The following ITIH5 variants were observed in gnomAD, a reference collection of about 807,000 sequenced individuals.
The protein encoded by ITIH5 is inter-alpha-trypsin inhibitor heavy chain 5.
In ITIH5, 65 loss-of-function variants were observed where a neutral mutation model predicts 77.5. The ratio of observed to expected loss-of-function variants is 0.84; its 90% CI spans 0.69 to 1.03. The LOEUF is 1.03. Among genes scored for constraint, ITIH5 ranks in the 50% least tolerant of loss-of-function variants. The pLI, the probability that ITIH5 is intolerant of heterozygous loss-of-function variation, is 0.00. For synonymous variants in ITIH5, 525 were observed against 494.3 expected (o/e 1.06, Z -0.82); for missense variants, 1,208 against 1,213.1 (o/e 1.00, Z 0.06).
In ITIH5 at chr10:7,579,737, C is replaced by A. The variant is rs747943369; in HGVS notation, c.1418+18G>T. On this transcript the variant is annotated intron_variant, in intron 9 of 13. Coordinates refer to ENST00000397146, the MANE Select transcript of ITIH5 (RefSeq NM_030569.7). Reference sequence around the variant, plus strand: ...CCCCTCAAACAGCCTCTCATGCCTACGAAGACAGACCACAGACCCGATGAG... The same window carrying A: ...CCCCTCAAACAGCCTCTCATGCCTAAGAAGACAGACCACAGACCCGATGAG... 4 of 1,608,748 alleles carry A rather than the reference C, an allele frequency of 2.5e-6. No individual in the cohort carries two copies. Among genetic ancestry groups the A allele is most frequent in the South Asian group, 1.1e-5 (1 of 90,974 alleles).
At chr10:7,610,044 C>T (rs1006239599) in intron 7 of ITIH5, among the ~76,000 whole-genome samples, 6 of 150,864 alleles carry the variant, frequency 4.0e-5, no homozygotes, top group African/African-American at 1.2e-4. Context: ...TTTTCTCCCC[C>T]CTCCCTTTCT....
In ITIH5 at chr10:7,562,922, C is replaced by CAT; in HGVS notation, c.*160_*161insAT. The CAT allele has an allele frequency of 6.1e-6, 4 of 658,970 alleles. No individual in the cohort carries two copies. Among genetic ancestry groups the CAT allele is most frequent in the Non-Finnish European group, 8.3e-6 (3 of 363,328 alleles). The allele number at this position is 658,970 out of a possible 1,614,324, so 40.8% of individuals were successfully genotyped here. The stretch of plus-strand genomic sequence containing the variant: ...CTTCCCGCCCCTACCCACCCCTACC[C>CAT]TTCGCCCAGACAGACGTCGGATCTA... On this transcript the variant is annotated 3_prime_UTR_variant, in exon 14 of 14. Coordinates refer to ENST00000397146, the MANE Select transcript of ITIH5 (RefSeq NM_030569.7).
At chr10:7,581,944 T>C (rs56303136) in intron 8 of ITIH5, among the ~76,000 whole-genome samples, 46,651 of 146,540 alleles carry the variant, frequency 0.32, 7,709 homozygotes, top group Middle Eastern at 0.43. Context: ...GGCGTGATCT[T>C]GGCTCACTGC....
intron 2 of ITIH5, among the ~76,000 whole-genome samples, chr10:7,643,360 G>T (rs113218474): frequency 6.6e-6 from 1 of 152,196 alleles, no homozygotes; most frequent in African/African-American, 2.4e-5. Flanking sequence ...GAAGACATAC[G>T]CAGTAGGTGT....
chr10:7,644,662 ATCATATATATCACATATATATC>A (rs1833961969), intron 2 of ITIH5, among the ~76,000 whole-genome samples: 1 of 136,860 alleles, frequency 7.3e-6, no homozygotes, highest in Non-Finnish European at 1.5e-5. Context: ...TCACATATAT[ATCATATATATCACATATATATC>A]ATATATATCA....
At chr10:7,624,327 G>T (rs984269809) in intron 5 of ITIH5, among the ~76,000 whole-genome samples, 7 of 151,356 alleles carry the variant, frequency 4.6e-5, no homozygotes, top group African/African-American at 1.7e-4. Flanking sequence ...GACCAACATG[G>T]AGAAACCCCG....
intron 12 of ITIH5, among the ~76,000 whole-genome samples, chr10:7,567,736 G>A (rs1420572649): frequency 3.9e-5 from 6 of 152,048 alleles, no homozygotes; most frequent in African/African-American, 1.4e-4. Flanking sequence ...CCTTAGACAA[G>A]TCAAAAAAAA....
chr10:7,583,389 G>A (rs1832607381), intron 8 of ITIH5, among the ~76,000 whole-genome samples: 1 of 152,216 alleles, frequency 6.6e-6, no homozygotes, highest in Non-Finnish European at 1.5e-5. Flanking sequence ...CTGGAGTGCA[G>A]TGGTGCGATC....
At chr10:7,565,083 T>TATAC (rs761964045) in intron 13 of ITIH5, among the ~76,000 whole-genome samples, 27 of 136,174 alleles carry the variant, frequency 2.0e-4, no homozygotes, top group East Asian at 1.2e-3. Context: ...TATATATATA[T>TATAC]ACACACACAC....
At chr10:7,579,689 T>C in intron 9 of ITIH5, 66 bp downstream of exon 9, 1 of 1,512,774 alleles carries the variant, frequency 6.6e-7, no homozygotes, top group Non-Finnish European at 9.0e-7. Context: ...CCTCTCTGAA[T>C]TCCCACCGCA....
At chr10:7,614,389 GC>G (rs1833321638) in intron 7 of ITIH5, among the ~76,000 whole-genome samples, 1 of 152,150 alleles carries the variant, frequency 6.6e-6, no homozygotes, top group South Asian at 2.1e-4. Flanking sequence ...CCAACCCCTG[GC>G]CCACAGGCCA....
Position 7,594,372 on chromosome 10 carries a change from G to A in ITIH5, c.940-8303C>T, listed in dbSNP as rs143000123. Among the ~76,000 whole-genome samples the A allele has an allele frequency of 3.8e-3, 575 of 152,218 alleles. 4 individuals carry two copies. The highest frequency in any genetic ancestry group is 0.013 in the African/African-American group (552 of 41,530). ...GACACTGGGCACCCCAGGAAGCCAC[G>A]CTCGTGTCCTCTAAGCTCCCTCTAG... On this transcript the variant is annotated intron_variant, in intron 7 of 13. Coordinates refer to ENST00000397146, the MANE Select transcript of ITIH5 (RefSeq NM_030569.7).
At chr10:7,641,336 C>A (rs1208024109) in intron 3 of ITIH5, among the ~76,000 whole-genome samples, 1 of 152,056 alleles carries the variant, frequency 6.6e-6, no homozygotes, top group Non-Finnish European at 1.5e-5. Flanking sequence ...CTGAAGAAGA[C>A]CCTCTTGGTC....
At chr10:7,625,096 A>G (rs1833555219) in intron 5 of ITIH5, among the ~76,000 whole-genome samples, 1 of 151,814 alleles carries the variant, frequency 6.6e-6, no homozygotes, top group Non-Finnish European at 1.5e-5. Context: ...GCACGCAGGC[A>G]GAGCAGGGGC....
intron 10 of ITIH5, among the ~76,000 whole-genome samples, chr10:7,575,550 C>T (rs1402593451): frequency 2.0e-5 from 3 of 152,144 alleles, no homozygotes; most frequent in African/African-American, 7.2e-5. Context: ...ATACAATGCC[C>T]TGCTTTGGTT....
chr10:7,636,152 T>C (rs1238355311), intron 5 of ITIH5, among the ~76,000 whole-genome samples: 4 of 152,092 alleles, frequency 2.6e-5, no homozygotes, highest in African/African-American at 9.7e-5. Context: ...TTTTAGACTT[T>C]GTGAAAACCA....
chr10:7,637,189 T>A, intron 5 of ITIH5, 39 bp downstream of exon 5: 1 of 1,579,830 alleles, frequency 6.3e-7, no homozygotes, highest in Non-Finnish European at 8.6e-7. Context: ...CTGGGTGTTT[T>A]CACCACAGAT....
rs867193948 is a variant in ITIH5 at position 7,581,105 on chromosome 10, C to G, written c.1109-1041G>C. On this transcript the variant is annotated intron_variant, in intron 8 of 13. Coordinates refer to ENST00000397146, the MANE Select transcript of ITIH5 (RefSeq NM_030569.7). ...CAAAACCCTGTCTCTACCAAAAATA[C>G]AAAAATTAGCCGGGCATGGTGGTAC... Among the ~76,000 whole-genome samples, 96 of 151,908 alleles carry G rather than the reference C, an allele frequency of 6.3e-4. 1 individual carries two copies. Among genetic ancestry groups the G allele is most frequent in the African/African-American group, 2.3e-3 (94 of 41,352 alleles).
rs1443798752 is a variant in ITIH5 at position 7,573,069 on chromosome 10, C to T, written c.2032+73G>A. The T allele has an allele frequency of 2.8e-6, 4 of 1,415,304 alleles. No homozygotes were observed. In the African/African-American group the frequency reaches 5.6e-5, roughly 20 times the overall value. 87.7% of individuals were successfully genotyped at this position (1,415,304 alleles called of 1,614,324 possible). ...CTGGGATTACAGGCGTGAGCCAGTA[C>T]ACCTGGCCTGGTTTTACACTTTTTA... On this transcript the variant is annotated intron_variant, in intron 11 of 13. Transcript: ENST00000397146.
Sources: gnomAD v4.1 joint callset for allele counts (sites outside exome capture counted in the v4.1 genomes callset) on GRCh38, gnomAD v4.1.1 for gene constraint, MANE v1.5 for transcripts, NCBI Gene and HGNC (gene_info 2026-07-23, HGNC 2026-07-21) for gene names.